Variants in CDH23 observed in about 807,000 individuals in gnomAD.
CDH23 encodes the protein cadherin-23.
CDH23 carries 189 observed loss-of-function variants against 317.1 expected under a neutral mutation model. That is an observed-to-expected ratio of 0.60 (90% CI 0.53 to 0.67). The LOEUF (loss-of-function observed/expected upper bound fraction) is 0.67, where lower values mean the gene tolerates loss of function less well. Among genes scored for constraint, CDH23 ranks in the 30% least tolerant of loss-of-function variants. CDH23 has a pLI of 0.00. For missense variants in CDH23, 4,401 were observed against 4,592.4 expected (o/e 0.96, Z 1.20); for synonymous variants, 1,839 against 1,876.8 (o/e 0.98, Z 0.52).
intron 69 of CDH23, 21 bp from the exon 70 acceptor site, chr10:71,814,931 G>T: frequency 6.3e-7 from 1 of 1,592,130 alleles, no homozygotes. Flanking sequence ...CTGAGCATGT[G>T]GGGGTCCCGG....
chr10:71,789,368 C>T (rs964497139), intron 45 of CDH23, among the ~76,000 whole-genome samples: 10 of 152,170 alleles, frequency 6.6e-5, no homozygotes, highest in African/African-American at 2.4e-4. Context: ...CCCCTCACTG[C>T]TCCCTCCACC....
chr10:71,746,186 C>T (rs112526270), intron 38 of CDH23, among the ~76,000 whole-genome samples: 181 of 152,310 alleles, frequency 1.2e-3, no homozygotes, highest in Non-Finnish European at 2.2e-3. Context: ...TGCTAGGAGC[C>T]TGGAAGCCAG....
intron 14 of CDH23, among the ~76,000 whole-genome samples, chr10:71,659,269 C>T (rs1256228225): frequency 6.6e-6 from 1 of 152,204 alleles, no homozygotes; most frequent in African/African-American, 2.4e-5. Flanking sequence ...TCAGAGTCCA[C>T]CAGTGCCATG....
intron 22 of CDH23, among the ~76,000 whole-genome samples, chr10:71,697,448 C>T (rs1865433764): frequency 1.3e-5 from 2 of 152,140 alleles, no homozygotes; most frequent in East Asian, 1.9e-4. Context: ...GCAGGCAGAT[C>T]GCTTGAGCCC....
intron 6 of CDH23, among the ~76,000 whole-genome samples, chr10:71,516,854 C>A (rs993328555): frequency 2.6e-5 from 4 of 152,198 alleles, no homozygotes; most frequent in Non-Finnish European, 5.9e-5. Context: ...TTGCAAACAT[C>A]GTAGTGAGGA....
chr10:71,694,300 G>A (rs758239710), intron 21 of CDH23, 41 bp downstream of exon 21: 26 of 1,495,984 alleles, frequency 1.7e-5, no homozygotes, highest in East Asian at 9.2e-5. Flanking sequence ...CCCCCTCGCC[G>A]GCCAGGCTGC....
At chr10:71,480,292 G>T (rs779321034) in intron 3 of CDH23, among the ~76,000 whole-genome samples, 20 of 152,356 alleles carry the variant, frequency 1.3e-4, no homozygotes, top group Non-Finnish European at 2.4e-4. Flanking sequence ...TTCCCGTTCT[G>T]TCCTTACCCC....
At chr10:71,447,175 G>A (rs1478616361) in intron 3 of CDH23, among the ~76,000 whole-genome samples, 1 of 152,210 alleles carries the variant, frequency 6.6e-6, no homozygotes, top group Non-Finnish European at 1.5e-5. Flanking sequence ...AGGCCTGTGT[G>A]CCAGAGGCCA....
At chr10:71,470,170 T>C (rs1220063494) in intron 3 of CDH23, among the ~76,000 whole-genome samples, 7 of 152,210 alleles carry the variant, frequency 4.6e-5, no homozygotes, top group African/African-American at 7.2e-5. Flanking sequence ...CACGCTGGTT[T>C]TCAAAGTGGT....
chr10:71,760,790 T>A, intron 38 of CDH23: 1 of 1,417,182 alleles, frequency 7.1e-7, no homozygotes, highest in Admixed American at 1.7e-5. Flanking sequence ...GAGGCCAGAG[T>A]TCCAAACAGG....
chr10:71,534,350 G>T (rs985619113), intron 6 of CDH23, among the ~76,000 whole-genome samples: 2 of 152,084 alleles, frequency 1.3e-5, no homozygotes, highest in East Asian at 1.9e-4. Context: ...CTCATGTCTG[G>T]GGGTCTTGGC....
chr10:71,578,032 G>T, intron 9 of CDH23, 40 bp downstream of exon 9: 2 of 1,545,048 alleles, frequency 1.3e-6, no homozygotes, highest in Non-Finnish European at 8.8e-7. Context: ...TCACCCCTCT[G>T]TCCTCCACCC....
At chr10:71,778,689 G>A (rs147030365) in intron 40 of CDH23, among the ~76,000 whole-genome samples, 46 of 152,336 alleles carry the variant, frequency 3.0e-4, no homozygotes, top group African/African-American at 1.1e-3. Context: ...GTTTTAAGGA[G>A]TGAGAGGAGT....
At chr10:71,607,491 G>A (rs1018150327) in intron 9 of CDH23, among the ~76,000 whole-genome samples, 5 of 152,198 alleles carry the variant, frequency 3.3e-5, no homozygotes, top group East Asian at 1.9e-4. Flanking sequence ...GACACTTTGC[G>A]CAGTGCCCAG....
intron 9 of CDH23, among the ~76,000 whole-genome samples, chr10:71,604,956 G>C (rs770904682): frequency 2.0e-5 from 3 of 152,206 alleles, no homozygotes; most frequent in Non-Finnish European, 4.4e-5. Context: ...ATTAAATCTG[G>C]TGAATTGTTG....
intron 2 of CDH23, among the ~76,000 whole-genome samples, chr10:71,443,060 G>A (rs527480496): frequency 1.3e-5 from 2 of 152,346 alleles, no homozygotes; most frequent in East Asian, 3.9e-4. Flanking sequence ...TCCCTGTCCA[G>A]TGCGCCTTCC....
chr10:71,765,233 C>G lies in CDH23; in HGVS notation c.4846-12447C>G, dbSNP rs528853208. On this transcript the variant is annotated intron_variant, in intron 38 of 69. Transcript: ENST00000224721. ...CTTTGCCTGACATCACCTCCTACCC[C>G]AGAGCCACCCCAGGGCTGGGAGCTG... Among the ~76,000 whole-genome samples the G allele has an allele frequency of 1.4e-4, 22 of 152,386 alleles. No individual in the cohort carries two copies. The East Asian group carries it at 4.2e-3, about 29-fold the overall frequency.
chr10:71,568,435 C>T (rs537274394), intron 7 of CDH23, among the ~76,000 whole-genome samples: 6 of 152,296 alleles, frequency 3.9e-5, no homozygotes, highest in Admixed American at 2.6e-4. Context: ...GGCTTTGGAC[C>T]GTGGGGAATA....
chr10:71,667,203 C>T (rs894142495), intron 14 of CDH23, among the ~76,000 whole-genome samples: 1 of 152,016 alleles, frequency 6.6e-6, no homozygotes, highest in Non-Finnish European at 1.5e-5. Context: ...GGAGTGTGGG[C>T]GCTGGTGAGG....
Sources: gnomAD v4.1 joint callset for allele counts (sites outside exome capture counted in the v4.1 genomes callset) on GRCh38, gnomAD v4.1.1 for gene constraint, MANE v1.5 for transcripts, NCBI Gene and HGNC (gene_info 2026-07-23, HGNC 2026-07-21) for gene names.